AKAP19: variants seen among roughly 807,000 people sequenced by gnomAD.
AKAP19 encodes the protein A-kinase anchoring protein 19, also known as small A-kinase anchoring protein.
chr2:190,074,004 T>C, the AKAP19 span, among the ~76,000 whole-genome samples: 1 of 150,098 alleles, frequency 6.7e-6, no homozygotes, highest in African/African-American at 2.5e-5. Flanking sequence ...ATTGTGCCAC[T>C]GCACTTCAGC....
At chr2:190,120,243 T>C in the AKAP19 span, among the ~76,000 whole-genome samples, 4 of 152,254 alleles carry the variant, frequency 2.6e-5, no homozygotes, top group South Asian at 6.2e-4. Flanking sequence ...GCGCACCTTA[T>C]GAGAATCTCC....
At chr2:189,985,110 G>T in the AKAP19 span, among the ~76,000 whole-genome samples, 104,709 of 152,034 alleles carry the variant, frequency 0.69, 37,007 homozygotes, top group East Asian at 0.87. Flanking sequence ...GAGCAGAGCA[G>T]CAGTCCAATC....
At chr2:189,974,255 G>A in the AKAP19 span, among the ~76,000 whole-genome samples, 6 of 152,176 alleles carry the variant, frequency 3.9e-5, no homozygotes, top group South Asian at 4.1e-4. Flanking sequence ...TCATCCAGGA[G>A]CAGGTTGTTC....
chr2:190,092,582 C>T, the AKAP19 span, among the ~76,000 whole-genome samples: 1 of 152,170 alleles, frequency 6.6e-6, no homozygotes, highest in South Asian at 2.1e-4. Context: ...GGTAGGTTTG[C>T]ATAGACCTGT....
the AKAP19 span, chr2:189,930,375 G>T: frequency 7.2e-6 from 3 of 416,034 alleles, no homozygotes; most frequent in Non-Finnish European, 1.3e-5. Context: ...AGATGTACAT[G>T]CACGGTAGAA....
chr2:189,955,303 T>C, the AKAP19 span, among the ~76,000 whole-genome samples: 7 of 152,040 alleles, frequency 4.6e-5, no homozygotes, highest in African/African-American at 1.7e-4. Flanking sequence ...TTTTTGTTTT[T>C]TGTTTTTTTT....
the AKAP19 span, among the ~76,000 whole-genome samples, chr2:189,965,722 A>G: frequency 6.6e-6 from 1 of 152,226 alleles, no homozygotes; most frequent in Non-Finnish European, 1.5e-5. Flanking sequence ...TGGTACAACC[A>G]CTATGGAAAA....
the AKAP19 span, among the ~76,000 whole-genome samples, chr2:190,021,075 A>G: frequency 6.6e-6 from 1 of 152,204 alleles, no homozygotes; most frequent in African/African-American, 2.4e-5. Flanking sequence ...ATTGTGGATA[A>G]TGCTACTCTG....
At chr2:190,155,264 A>G in the AKAP19 span, among the ~76,000 whole-genome samples, 1 of 152,312 alleles carries the variant, frequency 6.6e-6, no homozygotes, top group South Asian at 2.1e-4. Context: ...TGCCTAAGTT[A>G]AGGGAGGGTA....
the AKAP19 span, among the ~76,000 whole-genome samples, chr2:190,162,249 G>T: frequency 1.3e-5 from 2 of 151,982 alleles, no homozygotes; most frequent in Non-Finnish European, 2.9e-5. Flanking sequence ...TTTAAAAATT[G>T]TAATACAGTA....
At chr2:189,952,888 C>T in the AKAP19 span, among the ~76,000 whole-genome samples, 1 of 152,128 alleles carries the variant, frequency 6.6e-6, no homozygotes, top group Non-Finnish European at 1.5e-5. Flanking sequence ...AAGTTACTTT[C>T]AGTTACACTC....
At chr2:190,047,939 T>C in the AKAP19 span, among the ~76,000 whole-genome samples, 3 of 152,204 alleles carry the variant, frequency 2.0e-5, no homozygotes, top group African/African-American at 7.2e-5. Flanking sequence ...ACTATGTTGT[T>C]GTGAGCTAAA....
chr2:190,035,467 C>T, the AKAP19 span, among the ~76,000 whole-genome samples: 1 of 152,036 alleles, frequency 6.6e-6, no homozygotes, highest in African/African-American at 2.4e-5. Flanking sequence ...ATACAGACTA[C>T]TTTCATTACT....
chr2:189,995,922 C>T, the AKAP19 span, among the ~76,000 whole-genome samples: 1 of 152,078 alleles, frequency 6.6e-6, no homozygotes, highest in African/African-American at 2.4e-5. Flanking sequence ...AAGGATAGGA[C>T]CCCAATCATT....
chr2:189,948,707 G>C, the AKAP19 span, among the ~76,000 whole-genome samples: 1 of 152,068 alleles, frequency 6.6e-6, no homozygotes, highest in East Asian at 1.9e-4. Flanking sequence ...TTTTATGTCA[G>C]ACATACATAA....
chr2:189,950,141 C>T, the AKAP19 span, among the ~76,000 whole-genome samples: 2 of 150,062 alleles, frequency 1.3e-5, no homozygotes, highest in African/African-American at 4.9e-5. Context: ...GATTCTCCTG[C>T]CTCAGCATCC....
At chr2:190,022,238 T>G in the AKAP19 span, among the ~76,000 whole-genome samples, 1 of 152,158 alleles carries the variant, frequency 6.6e-6, no homozygotes, top group African/African-American at 2.4e-5. Context: ...ATAGCAGACC[T>G]CTTACACTCC....
the AKAP19 span, chr2:190,060,188 A>G: frequency 5.6e-6 from 9 of 1,613,112 alleles, no homozygotes; most frequent in East Asian, 2.0e-4. Context: ...CTGTCTTCAC[A>G]TCAATGCTCT....
At chr2:190,121,113 C>CT in the AKAP19 span, among the ~76,000 whole-genome samples, 5,884 of 133,586 alleles carry the variant, frequency 0.044, 196 homozygotes, top group East Asian at 0.11. Context: ...AAATCTAAGT[C>CT]TTTTTTTTTT....
Sources: gnomAD v4.1 joint callset for allele counts (sites outside exome capture counted in the v4.1 genomes callset) on GRCh38, gnomAD v4.1.1 for gene constraint, MANE v1.5 for transcripts, NCBI Gene and HGNC (gene_info 2026-07-23, HGNC 2026-07-21) for gene names.